SBF2: variants seen among roughly 807,000 people sequenced by gnomAD.
SBF2 encodes myotubularin-related protein 13.
A neutral mutation model predicts 225.2 loss-of-function variants in SBF2; 112 were observed. That is an observed-to-expected ratio of 0.50 (90% CI 0.43 to 0.58). The LOEUF (loss-of-function observed/expected upper bound fraction) is 0.58. SBF2 is among the 20% of genes least tolerant of loss of function. The pLI, the probability that SBF2 is intolerant of heterozygous loss-of-function variation, is 0.00. For synonymous variants in SBF2, 763 were observed against 773.3 expected, an observed-to-expected ratio of 0.99 and a Z score of 0.22; for missense variants, 1,996 against 2,206.2, an observed-to-expected ratio of 0.90 and a Z score of 1.91.
chr11:9,860,544 T>C (rs1287057021), intron 17 of SBF2, among the ~76,000 whole-genome samples: 1 of 152,092 alleles, frequency 6.6e-6, no homozygotes, highest in Non-Finnish European at 1.5e-5. Flanking sequence ...TTTCCCAGGC[T>C]GGTCTTGAAC....
chr11:10,278,898 A>G (rs1006204307), intron 1 of SBF2, among the ~76,000 whole-genome samples: 1 of 152,022 alleles, frequency 6.6e-6, no homozygotes, highest in African/African-American at 2.4e-5. Context: ...TGGGCATAAC[A>G]ACCTATAATA....
At chr11:9,982,270 G>A (rs1729886901) in intron 13 of SBF2, among the ~76,000 whole-genome samples, 1 of 152,204 alleles carries the variant, frequency 6.6e-6, no homozygotes, top group Non-Finnish European at 1.5e-5. Context: ...GGTTCTGTCT[G>A]AGGTGGTTCT....
rs57243169 is a variant in SBF2, at chr11:9,952,247, C to CACAA, written c.1860+9706_1860+9709dup. ...AGCCTCTCTCTCATAAAAATAAATA[C>CACAA]ACAAACAAACAAACAAACAAACAAA... On this transcript the variant is annotated intron_variant, in intron 16 of 39. Coordinates refer to ENST00000256190, the MANE Select transcript of SBF2 (RefSeq NM_030962.4). 2.0e-3 allele frequency among the ~76,000 whole-genome samples: 297 copies of CACAA among 149,526 alleles called. 1 individual carries two copies. The highest frequency in any genetic ancestry group is 6.3e-3 in the African/African-American group (254 of 40,618).
intron 9 of SBF2, among the ~76,000 whole-genome samples, chr11:9,994,544 TAAAAC>T (rs1437505945): frequency 7.3e-6 from 1 of 137,310 alleles, no homozygotes; most frequent in Non-Finnish European, 1.5e-5. Flanking sequence ...TATTTGAAAA[TAAAAC>T]AAAATAAACC....
intron 2 of SBF2, among the ~76,000 whole-genome samples, chr11:10,062,523 G>A (rs182978284): frequency 2.0e-5 from 3 of 152,124 alleles, no homozygotes; most frequent in Non-Finnish European, 1.5e-5. Flanking sequence ...TTAAAAAGTG[G>A]GCAAAGGACA....
chr11:9,843,554 A>T (rs1001761662), intron 24 of SBF2, among the ~76,000 whole-genome samples: 10 of 152,190 alleles, frequency 6.6e-5, no homozygotes, highest in African/African-American at 2.2e-4. Context: ...GGAGGTGAAG[A>T]CTCTGAAGAC....
chr11:9,968,701 C>T (rs1432231733), intron 13 of SBF2, among the ~76,000 whole-genome samples, 156 bp from the exon 14 acceptor site: 36 of 152,166 alleles, frequency 2.4e-4, no homozygotes, highest in Admixed American at 2.4e-3. Flanking sequence ...CTTACTTCTT[C>T]TTACATGCTC....
In SBF2 at chr11:9,779,722, C is replaced by T. The variant is rs187474920; in HGVS notation, c.*696G>A. 14 of 153,962 alleles carry T rather than the reference C, an allele frequency of 9.1e-5. No homozygotes were observed. The highest frequency in any genetic ancestry group is 5.8e-4 in the Admixed American group (9 of 15,534). The allele number at this position is 153,962 out of a possible 1,614,324, so 9.5% of individuals were successfully genotyped here. A position where few individuals can be genotyped will look rare whatever the true frequency, so the allele number is the denominator to read the frequency against. ...ACAAGGCCCTGGATCCTCAGAGCAC[C>T]TCTGGTCTAGAGAATTCAGTGTTTT... On this transcript the variant is annotated 3_prime_UTR_variant, in exon 40 of 40. Transcript: ENST00000256190.
intron 5 of SBF2, among the ~76,000 whole-genome samples, chr11:10,029,400 G>A (rs1404701024): frequency 1.3e-5 from 2 of 152,092 alleles, no homozygotes; most frequent in Non-Finnish European, 1.5e-5. Flanking sequence ...TTCAATTTAG[G>A]TTAATAAAAA....
chr11:9,858,099 C>A (rs1464574187), intron 18 of SBF2, 127 bp downstream of exon 18: 9 of 946,310 alleles, frequency 9.5e-6, no homozygotes, highest in Non-Finnish European at 8.5e-6. Context: ...TATCACAGGG[C>A]TCCCTAAATA....
intron 17 of SBF2, 107 bp downstream of exon 17, chr11:9,895,836 A>G: frequency 1.2e-6 from 1 of 816,012 alleles, no homozygotes; most frequent in Non-Finnish European, 2.2e-6. Flanking sequence ...GATATATCTT[A>G]GGCATGCTAC....
intron 36 of SBF2, among the ~76,000 whole-genome samples, chr11:9,786,209 T>C (rs1045962770): frequency 1.3e-5 from 2 of 152,146 alleles, no homozygotes; most frequent in Non-Finnish European, 2.9e-5. Flanking sequence ...TATGCCAACG[T>C]GGAGTGAAAA....
intron 17 of SBF2, among the ~76,000 whole-genome samples, chr11:9,884,286 C>T (rs1441857010): frequency 6.6e-6 from 1 of 152,126 alleles, no homozygotes; most frequent in East Asian, 1.9e-4. Flanking sequence ...GTGAAATGCT[C>T]TATGCTAGAT....
intron 1 of SBF2, among the ~76,000 whole-genome samples, chr11:10,231,926 C>A (rs962320916): frequency 3.9e-5 from 6 of 152,238 alleles, no homozygotes; most frequent in South Asian, 2.1e-4. Flanking sequence ...CAGAGGCAGG[C>A]AGGCGTCCTT....
At chr11:10,279,644 A>G (rs777277352) in intron 1 of SBF2, among the ~76,000 whole-genome samples, 25 of 151,746 alleles carry the variant, frequency 1.6e-4, no homozygotes, top group Non-Finnish European at 2.6e-4. Context: ...CTGATCAGTG[A>G]TATGTTTTTT....
intron 29 of SBF2, among the ~76,000 whole-genome samples, chr11:9,815,922 C>G (rs912033271): frequency 6.6e-6 from 1 of 152,148 alleles, no homozygotes; most frequent in Admixed American, 6.6e-5. Flanking sequence ...CTAGCCTGCT[C>G]CAGAAGAGAT....
intron 36 of SBF2, among the ~76,000 whole-genome samples, chr11:9,786,765 G>A (rs772870668): frequency 5.3e-5 from 8 of 152,192 alleles, no homozygotes; most frequent in Non-Finnish European, 7.3e-5. Flanking sequence ...GGATTAAATA[G>A]GATACGAAGG....
intron 1 of SBF2, among the ~76,000 whole-genome samples, chr11:10,227,188 T>G (rs199971498): frequency 0.073 from 11,158 of 152,194 alleles, 588 homozygotes; most frequent in East Asian, 0.29. Context: ...TTCTTGTAAA[T>G]TTGTTTGAGT....
intron 29 of SBF2, among the ~76,000 whole-genome samples, chr11:9,815,799 T>C (rs1428452335): frequency 6.6e-6 from 1 of 152,208 alleles, no homozygotes; most frequent in African/African-American, 2.4e-5. Context: ...AGAAGACACA[T>C]ATGCAGATTT....
Sources: gnomAD v4.1 joint callset for allele counts (sites outside exome capture counted in the v4.1 genomes callset) on GRCh38, gnomAD v4.1.1 for gene constraint, MANE v1.5 for transcripts, NCBI Gene and HGNC (gene_info 2026-07-23, HGNC 2026-07-21) for gene names.